GOLPH3L: variants seen among roughly 807,000 people sequenced by gnomAD.
The protein encoded by GOLPH3L is golgi phosphoprotein 3 like.
GOLPH3L carries 22 observed loss-of-function variants against 30.3 expected under a neutral mutation model. The observed-to-expected ratio is 0.73, with a 90% CI of 0.52 to 1.04. The LOEUF is 1.04. Ranked by LOEUF, GOLPH3L falls within the 50% of genes least tolerant of loss-of-function variation. The probability of loss-of-function intolerance (pLI) is 0.00; values close to 1 mark genes in which losing one functional copy is unlikely to be tolerated. For synonymous variants in GOLPH3L, 120 were observed against 128.2 expected (o/e 0.94, Z 0.43); for missense variants, 303 against 345.8 (o/e 0.88, Z 0.98).
intron 2 of GOLPH3L, among the ~76,000 whole-genome samples, chr1:150,691,199 A>T (rs912383712): frequency 9.2e-5 from 14 of 151,838 alleles, no homozygotes; most frequent in Admixed American, 2.0e-4. Context: ...AATAAATAAA[A>T]AAGGCCGGGA....
chr1:150,670,537 CAGTGAGCCGAGATTGT>C (rs1650621864), intron 2 of GOLPH3L, among the ~76,000 whole-genome samples: 1 of 152,038 alleles, frequency 6.6e-6, no homozygotes, highest in Non-Finnish European at 1.5e-5. Context: ...GCGGAGCTTG[CAGTGAGCCGAGATTGT>C]GCCACTGCAC....
At chr1:150,665,095 T>C (rs1330266863) in intron 2 of GOLPH3L, among the ~76,000 whole-genome samples, 1 of 152,174 alleles carries the variant, frequency 6.6e-6, no homozygotes, top group Non-Finnish European at 1.5e-5. Context: ...CTAATACTTA[T>C]TATGTACTAG....
At chr1:150,676,058 C>T (rs991840576) in intron 2 of GOLPH3L, among the ~76,000 whole-genome samples, 13 of 151,596 alleles carry the variant, frequency 8.6e-5, no homozygotes, top group African/African-American at 3.2e-4. Context: ...ACTGTAGCCC[C>T]AACCTCCTAG....
intron 2 of GOLPH3L, among the ~76,000 whole-genome samples, chr1:150,691,377 A>G (rs923553863): frequency 1.3e-5 from 2 of 152,012 alleles, no homozygotes; most frequent in East Asian, 3.9e-4. Context: ...TTAGCCAGGC[A>G]TGGTGGCGGG....
chr1:150,658,909 A>C (rs1368482894), intron 4 of GOLPH3L, among the ~76,000 whole-genome samples: 1 of 152,218 alleles, frequency 6.6e-6, no homozygotes, highest in African/African-American at 2.4e-5. Context: ...AAAACCATCT[A>C]AAAGGACACT....
chr1:150,670,735 C>T (rs1386258815), intron 2 of GOLPH3L, among the ~76,000 whole-genome samples: 1 of 152,096 alleles, frequency 6.6e-6, no homozygotes, highest in Non-Finnish European at 1.5e-5. Flanking sequence ...TCTATGTTTA[C>T]ACTTATTAAT....
chr1:150,695,126 C>A (rs1353255622), intron 1 of GOLPH3L, among the ~76,000 whole-genome samples: 1 of 152,020 alleles, frequency 6.6e-6, no homozygotes, highest in South Asian at 2.1e-4. Context: ...CTGTTGACTT[C>A]TTTTTTTCTT....
At chr1:150,672,972 T>C (rs1201826221) in intron 2 of GOLPH3L, among the ~76,000 whole-genome samples, 1 of 152,052 alleles carries the variant, frequency 6.6e-6, no homozygotes, top group Non-Finnish European at 1.5e-5. Flanking sequence ...CAATGATCAG[T>C]TTATTAGTTT....
intron 4 of GOLPH3L, among the ~76,000 whole-genome samples, chr1:150,657,132 C>G (rs1409693354): frequency 2.6e-5 from 4 of 152,124 alleles, no homozygotes; most frequent in Non-Finnish European, 5.9e-5. Context: ...TGCTCAGTTA[C>G]GATTTCATAC....
rs989177088 is a variant in GOLPH3L at position 150,659,929 on chromosome 1, G to A, written c.430+1885C>T. 6.6e-5 allele frequency among the ~76,000 whole-genome samples: 10 copies of A among 152,126 alleles called. No homozygotes were observed. In the South Asian group the frequency reaches 2.1e-3, roughly 32 times the overall value. ...GCGCACCCATAGTCCCAGTTACTTG[G>A]GAGGCTGAGGTGGGAGGATCCTTGA... On this transcript the variant is annotated intron_variant, in intron 4 of 4. Transcript: ENST00000271732.
intron 2 of GOLPH3L, among the ~76,000 whole-genome samples, chr1:150,693,044 A>C (rs1651248677): frequency 6.6e-6 from 1 of 152,136 alleles, no homozygotes; most frequent in Non-Finnish European, 1.5e-5. Context: ...CTTTTCGTTT[A>C]TTTGCCTTTT....
At chr1:150,659,905 C>A (rs587641301) in intron 4 of GOLPH3L, among the ~76,000 whole-genome samples, 5 of 151,870 alleles carry the variant, frequency 3.3e-5, no homozygotes, top group African/African-American at 1.2e-4. Flanking sequence ...TGTGATGGTG[C>A]GCACCCATAG....
At chr1:150,689,219 C>G (rs952352321) in intron 2 of GOLPH3L, among the ~76,000 whole-genome samples, 2 of 151,916 alleles carry the variant, frequency 1.3e-5, no homozygotes, top group African/African-American at 4.8e-5. Context: ...AGAAAGCTTT[C>G]CAAGAAAGAG....
chr1:150,682,428 G>A (rs1650976428), intron 2 of GOLPH3L, among the ~76,000 whole-genome samples: 4 of 151,856 alleles, frequency 2.6e-5, no homozygotes, highest in South Asian at 4.1e-4. Context: ...AGGAGTTTGA[G>A]ACCAGCCTGG....
chr1:150,651,642 C>CAA (rs59940841), intron 4 of GOLPH3L, among the ~76,000 whole-genome samples: 515 of 60,578 alleles, frequency 8.5e-3, no homozygotes, highest in Non-Finnish European at 9.5e-3. Flanking sequence ...GAGCGAAACT[C>CAA]AAAAAAAAAA....
At chr1:150,680,103 T>G (rs968212192) in intron 2 of GOLPH3L, among the ~76,000 whole-genome samples, 1 of 152,136 alleles carries the variant, frequency 6.6e-6, no homozygotes, top group Non-Finnish European at 1.5e-5. Flanking sequence ...AACAGGACGC[T>G]TCTGCAACAG....
chr1:150,653,752 A>AG (rs1178766175), intron 4 of GOLPH3L, among the ~76,000 whole-genome samples: 1 of 149,710 alleles, frequency 6.7e-6, no homozygotes, highest in Non-Finnish European at 1.5e-5. Context: ...CACCACACCC[A>AG]CTACAACTAT....
intron 2 of GOLPH3L, among the ~76,000 whole-genome samples, chr1:150,668,064 T>G (rs961839093): frequency 6.6e-6 from 1 of 152,190 alleles, no homozygotes; most frequent in Non-Finnish European, 1.5e-5. Context: ...CACTCCACCC[T>G]CTGGATTAGG....
At chr1:150,666,043 T>C (rs1650492439) in intron 2 of GOLPH3L, among the ~76,000 whole-genome samples, 1 of 152,172 alleles carries the variant, frequency 6.6e-6, no homozygotes, top group African/African-American at 2.4e-5. Context: ...TGTGGTTTTT[T>C]TGTAGGTGGT....
Sources: gnomAD v4.1 joint callset for allele counts (sites outside exome capture counted in the v4.1 genomes callset) on GRCh38, gnomAD v4.1.1 for gene constraint, MANE v1.5 for transcripts, NCBI Gene and HGNC (gene_info 2026-07-23, HGNC 2026-07-21) for gene names.